SVIL: variants seen among roughly 807,000 people sequenced by gnomAD.
SVIL encodes archvillin.
A neutral mutation model predicts 240.4 loss-of-function variants in SVIL; 101 were observed. The observed-to-expected ratio is 0.42, with a 90% CI of 0.36 to 0.50. SVIL has a LOEUF of 0.50. Among genes scored for constraint, SVIL ranks in the 20% least tolerant of loss-of-function variants. SVIL has a pLI of 0.01. For missense variants in SVIL, 2,512 were observed against 2,818.7 expected, an observed-to-expected ratio of 0.89 and a Z score of 2.46; for synonymous variants, 999 against 1,100.0, an observed-to-expected ratio of 0.91 and a Z score of 1.82.
chr10:29,701,348 C>CG (rs1554899198), intron 1 of SVIL, among the ~76,000 whole-genome samples: 2 of 151,882 alleles, frequency 1.3e-5, no homozygotes, highest in Non-Finnish European at 2.9e-5. Context: ...GGCCAATACC[C>CG]AAAAAACTCT....
intron 30 of SVIL, 138 bp downstream of exon 30, chr10:29,473,700 G>C (rs1257357577): frequency 8.7e-7 from 1 of 1,149,358 alleles, no homozygotes; most frequent in Non-Finnish European, 1.2e-6. Context: ...GCAGAAGCCA[G>C]ACCAGGACTG....
chr10:29,494,187 A>G (rs1564513997), intron 20 of SVIL, among the ~76,000 whole-genome samples: 1 of 152,210 alleles, frequency 6.6e-6, no homozygotes, highest in Admixed American at 6.5e-5. Flanking sequence ...AACAAGAAAA[A>G]AAAAAAGCAA....
chr10:29,531,658 C>T (rs369598554), intron 9 of SVIL, among the ~76,000 whole-genome samples: 6 of 152,142 alleles, frequency 3.9e-5, no homozygotes, highest in East Asian at 3.9e-4. Flanking sequence ...ATATAAAATT[C>T]CTCAGTTATT....
chr10:29,633,133 G>T (rs1196077985), intron 1 of SVIL, among the ~76,000 whole-genome samples: 1 of 151,974 alleles, frequency 6.6e-6, no homozygotes, highest in Non-Finnish European at 1.5e-5. Flanking sequence ...TTACTTGGGA[G>T]GTTGAGGCAA....
In SVIL at chr10:29,723,335, G is replaced by A. The variant is rs191711232; in HGVS notation, c.-400+12416C>T. 2.2e-3 allele frequency among the ~76,000 whole-genome samples: 336 copies of A among 152,326 alleles called. 2 individuals carry two copies. Among genetic ancestry groups the A allele is most frequent in the Middle Eastern group, 0.014 (4 of 294 alleles). On this transcript the variant is annotated intron_variant, in intron 1 of 35. Transcript: ENST00000375400. ...GCAGAGGTTGCAGTGAGCTGGGATC[G>A]TGCTATTGCACTCTAGCCTGGGTTA...
In SVIL at chr10:29,735,755, C is replaced by T. The variant is rs914781602; in HGVS notation, c.-404G>A. ...GCGCGGAGGGACTTTGCTCACCTAC[C>T]CGGCTCTTCCACACCTCCCGGTGGC... On this transcript the variant is annotated 5_prime_UTR_variant, in exon 1 of 36. Transcript: ENST00000375400. The surrounding 1 kb of genome is among the most constrained non-coding windows in gnomAD (Gnocchi z 4.1). The T allele has an allele frequency of 7.9e-5, 12 of 152,064 alleles. No homozygotes were observed. Among genetic ancestry groups the T allele is most frequent in the African/African-American group, 2.6e-4 (11 of 41,512 alleles). The allele number at this position is 152,064 out of a possible 1,614,324, so 9.4% of individuals were successfully genotyped here. A position where few individuals can be genotyped will look rare whatever the true frequency, so the allele number is the denominator to read the frequency against.
intron 1 of SVIL, among the ~76,000 whole-genome samples, chr10:29,574,892 T>C (rs1267813918): frequency 1.3e-5 from 2 of 152,206 alleles, no homozygotes. Context: ...CAGACCTTGC[T>C]CGAAACCAGG....
Position 29,531,276 on chromosome 10 carries a change from A to C in SVIL, c.2022T>G (p.His674Gln), listed in dbSNP as rs760178209. ...ERKESDRCTS[H>Q]SETPTVDDEE... ...TGCCATCGACAGTTGGCGTTTCTGA[A>C]TGTGAAGTGCACCTAGGAAAGACAT... Residue 674 changes from histidine (H) to glutamine (Q), a missense_variant, in exon 10 of 38, where the codon CAT becomes CAG. Physicochemically the swap from His to Gln is conservative, Grantham distance 24 (BLOSUM62 0). Around this residue, in one of 3 missense-constraint regions of SVIL, gnomAD observed 1,443 missense variants for 1,486.6 expected, o/e 0.97. Transcript: ENST00000355867. The C allele has an allele frequency of 2.5e-6, 4 of 1,613,942 alleles. No homozygotes were observed. The highest frequency in any genetic ancestry group is 1.3e-5 in the African/African-American group (1 of 74,940).
At chr10:29,629,449 C>A (rs1958000885) in intron 1 of SVIL, among the ~76,000 whole-genome samples, 1 of 152,104 alleles carries the variant, frequency 6.6e-6, no homozygotes, top group Non-Finnish European at 1.5e-5. Flanking sequence ...CCAGTGCAGA[C>A]CTACTGAATC....
At position 29,634,594 on chromosome 10, in the gene SVIL, A is replaced by G. The variant is rs777105891; in HGVS notation, c.-375T>C. 1.1e-4 allele frequency: 17 copies of G among 152,332 alleles called. No homozygotes were observed. Among genetic ancestry groups the G allele is most frequent in the Non-Finnish European group, 1.8e-4 (12 of 68,034 alleles). 9.4% of individuals were successfully genotyped at this position (152,332 alleles called of 1,614,324 possible). Reference sequence around the variant, plus strand: ...TCTCTTTCCAATGAATACTACTTTCAAATTCTAAGCACAAAGTAAAATCCC... The same window carrying G: ...TCTCTTTCCAATGAATACTACTTTCGAATTCTAAGCACAAAGTAAAATCCC... On this transcript the variant is annotated 5_prime_UTR_variant, in exon 1 of 38. Coordinates refer to ENST00000355867, the MANE Select transcript of SVIL (RefSeq NM_021738.3).
In SVIL at chr10:29,596,706, G is replaced by C. The variant is rs188430536; in HGVS notation, c.-200-27394C>G. Among the ~76,000 whole-genome samples the C allele has an allele frequency of 1.4e-4, 22 of 152,308 alleles. 1 individual carries two copies. The Middle Eastern group carries it at 0.01, about 71-fold the overall frequency. On this transcript the variant is annotated intron_variant, in intron 1 of 37. Transcript: ENST00000355867. ...TGTATGGAAACCAAGTTCCCACCAA[G>C]GGCCAAGTACAGAACCCATCCCATG...
At chr10:29,466,442 T>C (rs1388264458) in intron 33 of SVIL, among the ~76,000 whole-genome samples, 1 of 152,336 alleles carries the variant, frequency 6.6e-6, no homozygotes. Context: ...CAGGTGAGAA[T>C]GAAACTTGGC....
chr10:29,694,948 A>C (rs547589852), intron 1 of SVIL, among the ~76,000 whole-genome samples: 22 of 152,310 alleles, frequency 1.4e-4, no homozygotes, highest in East Asian at 3.9e-4. Context: ...GGCCTGAGTT[A>C]TCTCTCTCTG....
intron 6 of SVIL, among the ~76,000 whole-genome samples, chr10:29,538,796 A>G (rs1389257161): frequency 6.6e-6 from 1 of 152,212 alleles, no homozygotes; most frequent in Non-Finnish European, 1.5e-5. Context: ...TCAACTTATG[A>G]TGGATTTATT....
intron 36 of SVIL, among the ~76,000 whole-genome samples, chr10:29,459,521 A>G (rs1299209577): frequency 2.6e-5 from 4 of 152,208 alleles, no homozygotes; most frequent in African/African-American, 9.7e-5. Context: ...CTGAAAAGAA[A>G]TCACACCCCC....
chr10:29,622,649 G>A (rs1346614825), intron 1 of SVIL, among the ~76,000 whole-genome samples: 3 of 152,064 alleles, frequency 2.0e-5, no homozygotes, highest in Non-Finnish European at 2.9e-5. Flanking sequence ...GTTTAAACAC[G>A]TCGAAAGCAA....
At position 29,458,430 on chromosome 10, in the gene SVIL, T is replaced by A. The variant is rs1467363718; in HGVS notation, c.6558+4A>T. 6.3e-7 allele frequency: 1 copy of A among 1,589,460 alleles called. No individual in the cohort carries two copies. The highest frequency in any genetic ancestry group is 8.6e-7 in the Non-Finnish European group (1 of 1,165,928). On this transcript the variant is annotated splice_donor_region_variant and intron_variant, in intron 37 of 37. Transcript: ENST00000355867. ...ATCCCCACCCCACCGGAAGAACCGC[T>A]TACCTCGAAGTCTTCGTCGGTGAGA...
intron 17 of SVIL, among the ~76,000 whole-genome samples, chr10:29,501,481 G>A (rs530123812): frequency 6.7e-6 from 1 of 150,004 alleles, no homozygotes; most frequent in East Asian, 2.0e-4. Context: ...GGGAGCGAGA[G>A]TGAAGGAGGG....
intron 28 of SVIL, 47 bp downstream of exon 28, chr10:29,481,537 G>A: frequency 6.2e-7 from 1 of 1,607,580 alleles, no homozygotes; most frequent in African/African-American, 1.3e-5. Flanking sequence ...CACTTTTATT[G>A]GGACCCGAAC....
Sources: gnomAD v4.1 joint callset for allele counts (sites outside exome capture counted in the v4.1 genomes callset) on GRCh38, gnomAD v4.1.1 for gene constraint, gnomAD v4.1.1 regional missense constraint, Gnocchi (gnomAD v3.1) non-coding constraint, MANE v1.5 for transcripts, NCBI Gene and HGNC (gene_info 2026-07-23, HGNC 2026-07-21) for gene names.